CNTNAP5: variants seen among roughly 807,000 people sequenced by gnomAD.
CNTNAP5 encodes contactin associated protein family member 5, also known as contactin-associated protein-like 5.
Under a neutral mutation model 150.2 loss-of-function variants are expected in CNTNAP5, and 72 were observed. The observed-to-expected ratio is 0.48, with a 90% CI of 0.40 to 0.58. The LOEUF is 0.58. Among genes scored for constraint, CNTNAP5 ranks in the 20% least tolerant of loss-of-function variants. The probability of loss-of-function intolerance (pLI) is 0.00; values close to 1 mark genes in which losing one functional copy is unlikely to be tolerated. For missense variants in CNTNAP5, 1,636 were observed against 1,626.2 expected (o/e 1.01, Z -0.10); for synonymous variants, 672 against 619.8 (o/e 1.08, Z -1.25).
chr2:124,515,391 G>T (rs905628), intron 8 of CNTNAP5, among the ~76,000 whole-genome samples: 71,928 of 151,984 alleles, frequency 0.47, 17,111 homozygotes, highest in Middle Eastern at 0.58. Flanking sequence ...ATACCACAAG[G>T]CAGTAAATAT....
rs559316166 is a variant in CNTNAP5 at position 124,487,459 on chromosome 2, T to G, written c.1062+12577T>G. ...AAGGTATGCTCTGAAACCCACCATT[T>G]ACTTCATTTATATGTGCCACATGGT... On this transcript the variant is annotated intron_variant, in intron 7 of 23. Coordinates refer to ENST00000682447, the MANE Select transcript of CNTNAP5 (RefSeq NM_001367498.1). 1.1e-4 allele frequency among the ~76,000 whole-genome samples: 17 copies of G among 152,268 alleles called. No individual in the cohort carries two copies. The South Asian group carries it at 2.9e-3, about 26-fold the overall frequency.
At chr2:124,628,011 T>C (rs1465335101) in intron 12 of CNTNAP5, among the ~76,000 whole-genome samples, 2 of 152,080 alleles carry the variant, frequency 1.3e-5, no homozygotes, top group African/African-American at 4.8e-5. Flanking sequence ...CCAACAAGAT[T>C]AGAGAAAACA....
chr2:124,868,672 G>A (rs1677680957), intron 20 of CNTNAP5, among the ~76,000 whole-genome samples: 1 of 152,048 alleles, frequency 6.6e-6, no homozygotes, highest in Admixed American at 6.6e-5. Flanking sequence ...CCTCTAGAAT[G>A]TAAGTTGCCT....
intron 14 of CNTNAP5, among the ~76,000 whole-genome samples, chr2:124,763,189 C>A (rs991631467): frequency 6.6e-6 from 1 of 151,720 alleles, no homozygotes; most frequent in Non-Finnish European, 1.5e-5. Context: ...CTATAAAGCA[C>A]CTCGAGTTAA....
intron 3 of CNTNAP5, among the ~76,000 whole-genome samples, chr2:124,401,950 T>G (rs1691436383): frequency 6.6e-6 from 1 of 152,140 alleles, no homozygotes; most frequent in Admixed American, 6.5e-5. Flanking sequence ...CCTGCAACCT[T>G]CACGGGTTTA....
In CNTNAP5 at chr2:124,917,977, C is replaced by G. The variant is rs1284739584; in HGVS notation, c.*3689C>G. ...ACCTTCTGTAAGCTGTTTTGTTTCT[C>G]CTCCTCAAAGTAGATATCTATCAAT... On this transcript the variant is annotated 3_prime_UTR_variant, in exon 24 of 24. Transcript: ENST00000682447. 1.3e-5 allele frequency among the ~76,000 whole-genome samples: 2 copies of G among 152,062 alleles called. No homozygotes were observed. The highest frequency in any genetic ancestry group is 2.9e-5 in the Non-Finnish European group (2 of 67,992).
intron 19 of CNTNAP5, among the ~76,000 whole-genome samples, chr2:124,863,634 A>G (rs906773388): frequency 1.3e-5 from 2 of 152,100 alleles, no homozygotes; most frequent in Admixed American, 6.6e-5. Flanking sequence ...CTGAAATTCT[A>G]TGAGTAGCAA....
chr2:124,028,223 C>G (rs1384440747), intron 1 of CNTNAP5, among the ~76,000 whole-genome samples: 1 of 151,960 alleles, frequency 6.6e-6, no homozygotes, highest in Non-Finnish European at 1.5e-5. Context: ...GGACTTTGTT[C>G]AGGTATACAT....
chr2:124,909,223 C>A (rs559762533), intron 22 of CNTNAP5, among the ~76,000 whole-genome samples: 46 of 152,186 alleles, frequency 3.0e-4, no homozygotes, highest in African/African-American at 1.1e-3. Context: ...TTATTTAAAT[C>A]TCATATTTTT....
At chr2:124,133,959 G>A (rs1372953267) in intron 1 of CNTNAP5, among the ~76,000 whole-genome samples, 1 of 152,210 alleles carries the variant, frequency 6.6e-6, no homozygotes, top group Non-Finnish European at 1.5e-5. Context: ...CCACTTCTGT[G>A]AAGCAGCTGT....
chr2:124,389,036 G>A (rs549116543), intron 3 of CNTNAP5, among the ~76,000 whole-genome samples: 91 of 152,234 alleles, frequency 6.0e-4, no homozygotes, highest in African/African-American at 2.1e-3. Context: ...CTACAGGAAC[G>A]CCATATTTTC....
intron 3 of CNTNAP5, among the ~76,000 whole-genome samples, chr2:124,297,137 AAGTT>A (rs1688453533): frequency 6.6e-6 from 1 of 152,204 alleles, no homozygotes; most frequent in Non-Finnish European, 1.5e-5. Context: ...TATCCACAGA[AAGTT>A]AGAGCCACAA....
At chr2:124,603,224 G>A (rs550462469) in intron 11 of CNTNAP5, among the ~76,000 whole-genome samples, 2 of 152,250 alleles carry the variant, frequency 1.3e-5, no homozygotes, top group African/African-American at 4.8e-5. Context: ...CAGTATTGTA[G>A]ATTTAACTAA....
At chr2:124,873,447 T>C (rs888837111) in intron 21 of CNTNAP5, among the ~76,000 whole-genome samples, 1 of 152,078 alleles carries the variant, frequency 6.6e-6, no homozygotes, top group Admixed American at 6.6e-5. Flanking sequence ...GTTCTAAGAA[T>C]GGGAGACATC....
chr2:124,204,659 T>A (rs953780689), intron 1 of CNTNAP5, among the ~76,000 whole-genome samples: 39 of 152,140 alleles, frequency 2.6e-4, no homozygotes, highest in African/African-American at 9.4e-4. Context: ...GGAGCAAAGG[T>A]ACATCTTACA....
At chr2:124,523,876 G>T (rs1694904678) in intron 8 of CNTNAP5, among the ~76,000 whole-genome samples, 1 of 151,872 alleles carries the variant, frequency 6.6e-6, no homozygotes, top group African/African-American at 2.4e-5. Flanking sequence ...TCCTAAAATT[G>T]TAGGAAAGTA....
intron 3 of CNTNAP5, among the ~76,000 whole-genome samples, chr2:124,261,499 A>G (rs567876453): frequency 4.6e-5 from 7 of 152,170 alleles, no homozygotes; most frequent in Non-Finnish European, 7.3e-5. Context: ...TGATGATAAG[A>G]AGCAGCAGCA....
At chr2:124,079,496 A>G (rs1023941633) in intron 1 of CNTNAP5, among the ~76,000 whole-genome samples, 51 of 136,106 alleles carry the variant, frequency 3.7e-4, no homozygotes, top group African/African-American at 1.2e-3. Context: ...CTTTTTATCT[A>G]TCTGAACCCC....
chr2:124,907,383 A>C (rs1558821802), intron 22 of CNTNAP5, among the ~76,000 whole-genome samples: 1 of 151,782 alleles, frequency 6.6e-6, no homozygotes, highest in African/African-American at 2.4e-5. Flanking sequence ...CTCTCTCTCT[A>C]TCTCTATATA....
Sources: gnomAD v4.1 joint callset for allele counts (sites outside exome capture counted in the v4.1 genomes callset) on GRCh38, gnomAD v4.1.1 for gene constraint, MANE v1.5 for transcripts, NCBI Gene and HGNC (gene_info 2026-07-23, HGNC 2026-07-21) for gene names.